The following TECTA variants were observed in gnomAD, a reference collection of about 807,000 sequenced individuals.
TECTA encodes tectorin alpha.
A neutral mutation model predicts 216.8 loss-of-function variants in TECTA; 128 were observed. The observed-to-expected ratio is 0.59, with a 90% CI of 0.51 to 0.68. TECTA has a LOEUF of 0.68. Among genes scored for constraint, TECTA ranks in the 30% least tolerant of loss-of-function variants. TECTA has a pLI of 0.00. For missense variants in TECTA, 2,551 were observed against 2,786.2 expected (o/e 0.92, Z 1.90); for synonymous variants, 1,089 against 1,117.1 (o/e 0.97, Z 0.50).
rs1198996965 is a variant in TECTA at position 121,113,266 on chromosome 11, T to C, written c.624+57T>C. 23 of 1,611,986 alleles carry C rather than the reference T, an allele frequency of 1.4e-5. No individual in the cohort carries two copies. The highest frequency in any genetic ancestry group is 1.9e-5 in the Non-Finnish European group (23 of 1,179,894). ...TTTCCGTCGCTGCACTCTCTGCTTC[T>C]GTGGCTCAGCATCCTGGAGGGAATC... is the stretch of plus-strand genomic sequence containing the variant. On this transcript the variant is annotated intron_variant, in intron 5 of 23. Transcript: ENST00000392793. This position sits in a 1 kb window ranked among gnomAD's most constrained non-coding sequence, Gnocchi z 4.2.
rs1461558927 is a variant in TECTA at position 121,109,501 on chromosome 11, A to G, written c.486+3A>G. 1 of 1,614,152 alleles carries G rather than the reference A, an allele frequency of 6.2e-7. No homozygotes were observed. The highest frequency in any genetic ancestry group is 1.1e-5 in the South Asian group (1 of 91,080). ...ATGGAGGCAGCAGCACCACACCTGT[A>G]ATAATTCAAATTTTCTGCTTTCCAC... On this transcript the variant is annotated splice_donor_region_variant and intron_variant, in intron 4 of 23. Coordinates refer to ENST00000392793, the MANE Select transcript of TECTA (RefSeq NM_005422.4).
chr11:121,123,320 G>A (rs899235328), intron 7 of TECTA, among the ~76,000 whole-genome samples: 1 of 152,110 alleles, frequency 6.6e-6, no homozygotes, highest in South Asian at 2.1e-4. Context: ...TTACTCACCC[G>A]TACTAGATGC....
Position 121,113,419 on chromosome 11 carries a change from G to C in TECTA, c.625-134G>C. On this transcript the variant is annotated intron_variant, in intron 5 of 23. Coordinates refer to ENST00000392793, the MANE Select transcript of TECTA (RefSeq NM_005422.4). This position sits in a 1 kb window ranked among gnomAD's most constrained non-coding sequence, Gnocchi z 4.2. ...TAGGCAGTCCTTTCTCACCTAGAAT[G>C]CTGGCCCCAGTGACTCCAGGAAAAG... is the stretch of plus-strand genomic sequence containing the variant. 1 of 1,441,108 alleles carries C rather than the reference G, an allele frequency of 6.9e-7. No individual in the cohort carries two copies. The highest frequency in any genetic ancestry group is 9.7e-7 in the Non-Finnish European group (1 of 1,030,970). 89.3% of individuals were successfully genotyped at this position (1,441,108 alleles called of 1,614,324 possible).
intron 20 of TECTA, among the ~76,000 whole-genome samples, chr11:121,183,187 A>AG (rs1947247885): frequency 6.6e-6 from 1 of 151,884 alleles, no homozygotes; most frequent in African/African-American, 2.4e-5. Context: ...AGTAGGCATG[A>AG]GGGGTGGGTG....
intron 21 of TECTA, among the ~76,000 whole-genome samples, chr11:121,188,538 A>G (rs546155767): frequency 2.8e-4 from 42 of 152,336 alleles, no homozygotes; most frequent in Non-Finnish European, 5.1e-4. Context: ...CCTGATCTAC[A>G]TCAGACTCTG....
chr11:121,128,257 T>G lies in TECTA; in HGVS notation c.2280T>G (p.Asp760Glu). The G allele has an allele frequency of 4.4e-6, 7 of 1,600,104 alleles. No individual in the cohort carries two copies. Among genetic ancestry groups the G allele is most frequent in the Non-Finnish European group, 5.9e-6 (7 of 1,179,948 alleles). ...TCGACATCAACAAGAAGAAGCCCGATGCAGGACCTGCTTGGCTGCGGGGAC... is the reference window on the plus strand; with the variant it reads ...TCGACATCAACAAGAAGAAGCCCGAGGCAGGACCTGCTTGGCTGCGGGGAC... ...LEIDINKKKP[D>E]AGPAWLRGLR... The change falls in exon 9 of 24, where the codon GAT (aspartate) becomes GAG (glutamate). Residue 760 changes from aspartate (D) to glutamate (E), a missense_variant. This residue lies in a region of TECTA where 2,375 missense variants were observed against 2,563.9 expected (regional missense o/e 0.93). Transcript: ENST00000392793.
At chr11:121,157,373 G>C (rs1288337071) in intron 13 of TECTA, among the ~76,000 whole-genome samples, 1 of 152,066 alleles carries the variant, frequency 6.6e-6, no homozygotes, top group Admixed American at 6.6e-5. Context: ...GGGAGGCTGA[G>C]GCAGGAGGAT....
At chr11:121,131,633 A>G (rs965016539) in intron 10 of TECTA, among the ~76,000 whole-genome samples, 4 of 152,202 alleles carry the variant, frequency 2.6e-5, no homozygotes, top group Admixed American at 2.6e-4. Flanking sequence ...TTACAGCCAA[A>G]ACAAAAAACA....
At position 121,118,976 on chromosome 11, in the gene TECTA, C is replaced by A. The variant is rs78120666; in HGVS notation, c.1203+258C>A. 0.015 allele frequency among the ~76,000 whole-genome samples: 2,175 copies of A among 148,968 alleles called. 56 individuals are homozygous for A. The highest frequency in any genetic ancestry group is 0.052 in the African/African-American group (2,064 of 40,070). The stretch of plus-strand genomic sequence containing the variant: ...AGAGTACATTTATATTCCTAGTTCC[C>A]TCATAAACACTGATAGGCACACACA... On this transcript the variant is annotated intron_variant, in intron 7 of 23. Transcript: ENST00000392793.
Position 121,109,395 on chromosome 11 carries a change from A to G in TECTA, c.383A>G (p.Asp128Gly), listed in dbSNP as rs1946422817. ...GCCATCTTGAAAAGAGCCACCAAGG[A>G]CATCAGGAAGTACTTCAAAGACATG... Reference protein sequence around the residue: ...EPAILKRATKDIRKYFKDMAT... With the variant: ...EPAILKRATKGIRKYFKDMAT... Residue 128 changes from aspartate (D) to glycine (G), a missense_variant, in exon 4 of 24, where the codon GAC becomes GGC. Asp to Gly is a moderately conservative substitution (Grantham distance 94, BLOSUM62 -1). Around this residue, in one of 3 missense-constraint regions of TECTA, gnomAD observed 2,375 missense variants for 2,563.9 expected, o/e 0.93. Transcript: ENST00000392793. The G allele has an allele frequency of 1.9e-6, 3 of 1,614,076 alleles. No individual in the cohort carries two copies. Among genetic ancestry groups the G allele is most frequent in the African/African-American group, 1.3e-5 (1 of 74,926 alleles).
At chr11:121,122,996 CAGAG>C (rs1357036210) in intron 7 of TECTA, among the ~76,000 whole-genome samples, 1 of 152,208 alleles carries the variant, frequency 6.6e-6, no homozygotes, top group African/African-American at 2.4e-5. Context: ...TCTATAGAGA[CAGAG>C]AGCTGCATGT....
intron 9 of TECTA, 106 bp from the exon 10 acceptor site, chr11:121,129,532 C>T (rs2135083798): frequency 8.4e-7 from 1 of 1,190,542 alleles, no homozygotes; most frequent in Non-Finnish European, 1.2e-6. Flanking sequence ...CTTGACCTCT[C>T]TCAAAAGGCT....
At chr11:121,167,604 G>C (rs1947067097) in intron 18 of TECTA, among the ~76,000 whole-genome samples, 1 of 152,180 alleles carries the variant, frequency 6.6e-6, no homozygotes, top group Non-Finnish European at 1.5e-5. Context: ...ACTTTTACCA[G>C]AGGCTGAAAG....
intron 4 of TECTA, among the ~76,000 whole-genome samples, chr11:121,111,057 G>C (rs764922763): frequency 2.0e-5 from 3 of 152,208 alleles, no homozygotes; most frequent in Non-Finnish European, 4.4e-5. Flanking sequence ...CACTGGGCTT[G>C]AGAGGTCTTT....
At chr11:121,176,995 G>A (rs1001559775) in intron 20 of TECTA, among the ~76,000 whole-genome samples, 21 of 152,038 alleles carry the variant, frequency 1.4e-4, no homozygotes, top group African/African-American at 4.6e-4. Context: ...CATTCTTCAC[G>A]TAGTTCTTGA....
rs754848233 is a variant in TECTA, at chr11:121,128,264, C to G, written c.2287C>G (p.Pro763Ala). 1 of 1,600,014 alleles carries G rather than the reference C, an allele frequency of 6.2e-7. No individual in the cohort carries two copies. Among genetic ancestry groups the G allele is most frequent in the South Asian group, 1.1e-5 (1 of 91,078 alleles). ...DINKKKPDAGPAWLRGLRILV... is the reference protein window; with the variant it reads ...DINKKKPDAGAAWLRGLRILV... The stretch of plus-strand genomic sequence containing the variant: ...CAACAAGAAGAAGCCCGATGCAGGA[C>G]CTGCTTGGCTGCGGGGACTTCGGAT... The change falls in exon 9 of 24, where the codon CCT (proline) becomes GCT (alanine). Residue 763 changes from proline (P) to alanine (A), a missense_variant. This residue lies in a region of TECTA where 2,375 missense variants were observed against 2,563.9 expected (regional missense o/e 0.93). Coordinates refer to ENST00000392793, the MANE Select transcript of TECTA (RefSeq NM_005422.4).
At chr11:121,139,033 C>T (rs1342510541) in intron 11 of TECTA, among the ~76,000 whole-genome samples, 4 of 152,180 alleles carry the variant, frequency 2.6e-5, no homozygotes, top group African/African-American at 2.4e-5. Flanking sequence ...TTTCCTGCCT[C>T]GGGATTTCCT....
At position 121,105,906 on chromosome 11, in the gene TECTA, C is replaced by A; in HGVS notation, c.140C>A (p.Ser47Tyr). ...CCTAAAGTAGATGATGGAAGCTCAT[C>A]TGAGATTAAGTTGGCCATCCCAGTT... ...KTPKVDDGSS[S>Y]EIKLAIPVFF... The change falls in exon 3 of 24, where the codon TCT (serine) becomes TAT (tyrosine). Residue 47 changes from serine to tyrosine, a missense_variant. Physicochemically the swap from Ser to Tyr is moderately radical, Grantham distance 144. Transcript: ENST00000392793. The surrounding 1 kb of genome is among the most constrained non-coding windows in gnomAD (Gnocchi z 5.3). 1 of 1,614,236 alleles carries A rather than the reference C, an allele frequency of 6.2e-7. No individual in the cohort carries two copies. Among genetic ancestry groups the A allele is most frequent in the Non-Finnish European group, 8.5e-7 (1 of 1,180,040 alleles).
chr11:121,162,186 C>T lies in TECTA; in HGVS notation c.5088C>T (p.Asp1696=). ...ATGGCTACTGCCTGAAGCTCACCGA[C>T]ATGAAGGGCTTCTTCCAGCCCTGCT... ...QGDGYCLKLT[D]MKGFFQPCYG... is the part of the protein sequence containing the mutation. The change falls in exon 16 of 24, where the codon GAC becomes GAT. Residue 1696 remains aspartate (D), a synonymous_variant. Coordinates refer to ENST00000392793, the MANE Select transcript of TECTA (RefSeq NM_005422.4). 1 of 1,614,196 alleles carries T rather than the reference C, an allele frequency of 6.2e-7. No homozygotes were observed. The highest frequency in any genetic ancestry group is 8.5e-7 in the Non-Finnish European group (1 of 1,180,046).
Sources: gnomAD v4.1 joint callset for allele counts (sites outside exome capture counted in the v4.1 genomes callset) on GRCh38, gnomAD v4.1.1 for gene constraint, gnomAD v4.1.1 regional missense constraint, Gnocchi (gnomAD v3.1) non-coding constraint, MANE v1.5 for transcripts, NCBI Gene and HGNC (gene_info 2026-07-23, HGNC 2026-07-21) for gene names.